The following SGCZ variants were observed in gnomAD, a reference collection of about 807,000 sequenced individuals.
The protein encoded by SGCZ is sarcoglycan zeta.
SGCZ carries 40 observed loss-of-function variants against 41.3 expected under a neutral mutation model. That is an observed-to-expected ratio of 0.97 (90% confidence interval 0.75 to 1.26). The LOEUF is 1.26. Among genes scored for constraint, SGCZ ranks in the 50% most tolerant of loss-of-function variants. The pLI is 0.00. For missense variants in SGCZ, 552 were observed against 369.8 expected (o/e 1.49, Z -4.04); for synonymous variants, 206 against 137.5 (o/e 1.50, Z -3.49).
intron 5 of SGCZ, among the ~76,000 whole-genome samples, chr8:14,153,020 G>A (rs573844475): frequency 3.3e-5 from 5 of 152,140 alleles, no homozygotes; most frequent in East Asian, 1.9e-4. Flanking sequence ...GGGGGTTAAC[G>A]TGAGGGTGGA....
chr8:14,295,462 A>G (rs1333117267), intron 3 of SGCZ, among the ~76,000 whole-genome samples: 1 of 152,218 alleles, frequency 6.6e-6, no homozygotes, highest in Non-Finnish European at 1.5e-5. Flanking sequence ...GAATCTGTCC[A>G]TAATCATTCC....
At chr8:15,101,719 C>A (rs1806621919) in intron 1 of SGCZ, among the ~76,000 whole-genome samples, 1 of 152,262 alleles carries the variant, frequency 6.6e-6, no homozygotes. Flanking sequence ...TACTTGAAGT[C>A]AGGCATTTGA....
chr8:15,208,784 T>C (rs1011909063), intron 1 of SGCZ, among the ~76,000 whole-genome samples: 4 of 149,772 alleles, frequency 2.7e-5, no homozygotes, highest in Non-Finnish European at 5.9e-5. Flanking sequence ...AACTGCAAGA[T>C]GCTAATAATC....
intron 1 of SGCZ, among the ~76,000 whole-genome samples, chr8:14,615,017 T>C (rs545135809): frequency 3.4e-4 from 51 of 152,188 alleles, no homozygotes; most frequent in African/African-American, 1.2e-3. Context: ...TGTGTGTATA[T>C]ATATATATGA....
At chr8:14,185,443 G>A (rs1358326515) in intron 4 of SGCZ, among the ~76,000 whole-genome samples, 2 of 151,784 alleles carry the variant, frequency 1.3e-5, no homozygotes, top group African/African-American at 2.4e-5. Context: ...AAAAAATCTG[G>A]CTTTCATTCT....
At chr8:14,767,708 GT>G (rs1800085447) in intron 1 of SGCZ, among the ~76,000 whole-genome samples, 9 of 152,162 alleles carry the variant, frequency 5.9e-5, no homozygotes, top group Non-Finnish European at 2.9e-5. Context: ...AGCAAAGACA[GT>G]GCCAACAGGT....
intron 2 of SGCZ, among the ~76,000 whole-genome samples, chr8:14,461,601 T>C (rs1281006305): frequency 1.3e-5 from 2 of 152,068 alleles, no homozygotes; most frequent in Non-Finnish European, 2.9e-5. Flanking sequence ...TTCAGTACCA[T>C]ATTTAAAGGC....
chr8:15,121,298 T>G (rs894318787), intron 1 of SGCZ, among the ~76,000 whole-genome samples: 1 of 152,332 alleles, frequency 6.6e-6, no homozygotes, highest in East Asian at 1.9e-4. Flanking sequence ...TCTTTCCAAT[T>G]TCTTCTAATA....
intron 1 of SGCZ, among the ~76,000 whole-genome samples, chr8:14,894,690 A>G (rs1805129818): frequency 6.6e-6 from 1 of 152,208 alleles, no homozygotes; most frequent in Admixed American, 6.5e-5. Context: ...ATATGGTCAA[A>G]TGAAATAAAA....
intron 2 of SGCZ, among the ~76,000 whole-genome samples, chr8:14,497,499 G>A (rs1457834238): frequency 6.6e-6 from 1 of 152,238 alleles, no homozygotes; most frequent in East Asian, 1.9e-4. Flanking sequence ...GGCCCAACAA[G>A]AAGGTGGCCC....
chr8:15,139,511 T>C (rs1183129726), intron 1 of SGCZ, among the ~76,000 whole-genome samples: 4 of 152,156 alleles, frequency 2.6e-5, no homozygotes, highest in Admixed American at 2.6e-4. Context: ...GAAATAAATA[T>C]TATTGTGTAT....
intron 1 of SGCZ, among the ~76,000 whole-genome samples, chr8:15,146,362 T>C (rs1032837838): frequency 6.6e-6 from 1 of 152,156 alleles, no homozygotes; most frequent in African/African-American, 2.4e-5. Flanking sequence ...AGGAAGCCAA[T>C]TTTTAAACAT....
intron 1 of SGCZ, among the ~76,000 whole-genome samples, chr8:14,679,498 CATAT>C (rs1340745390): frequency 5.2e-5 from 5 of 96,742 alleles, no homozygotes; most frequent in African/African-American, 1.5e-4. Flanking sequence ...AATATATATA[CATAT>C]ATATTATATA....
intron 2 of SGCZ, among the ~76,000 whole-genome samples, chr8:14,447,318 T>A (rs1199458910): frequency 2.0e-5 from 3 of 152,182 alleles, no homozygotes; most frequent in East Asian, 1.9e-4. Flanking sequence ...CATGTTTTTT[T>A]ATTTAATTAT....
intron 1 of SGCZ, among the ~76,000 whole-genome samples, chr8:14,759,325 A>T (rs766000342): frequency 7.0e-6 from 1 of 143,060 alleles, no homozygotes; most frequent in African/African-American, 2.6e-5. Context: ...CTGATTTTTT[A>T]AAAATAGTTT....
chr8:14,576,745 C>A lies in SGCZ; in HGVS notation c.40-21819G>T, dbSNP rs111862152. The stretch of plus-strand genomic sequence containing the variant: ...AATTTCCTTGGACAGCATTCAACAT[C>A]AGTGGAAGAAGCATTGTGTTGGAAA... On this transcript the variant is annotated intron_variant, in intron 1 of 7. Coordinates refer to ENST00000382080, the MANE Select transcript of SGCZ (RefSeq NM_139167.4). 2.4e-3 allele frequency among the ~76,000 whole-genome samples: 369 copies of A among 152,252 alleles called. 3 individuals carry two copies. Among genetic ancestry groups the A allele is most frequent in the African/African-American group, 8.5e-3 (352 of 41,556 alleles).
At chr8:15,209,779 A>AT (rs377245646) in intron 1 of SGCZ, among the ~76,000 whole-genome samples, 117,978 of 151,350 alleles carry the variant, frequency 0.78, 46,472 homozygotes, top group Non-Finnish European at 0.83. Context: ...AAATTAATTA[A>AT]TTAAAAAAAC....
At chr8:14,366,483 T>C (rs1208629086) in intron 2 of SGCZ, among the ~76,000 whole-genome samples, 1 of 152,098 alleles carries the variant, frequency 6.6e-6, no homozygotes, top group African/African-American at 2.4e-5. Context: ...TGGGTTACAA[T>C]TCAAGAAAAA....
At chr8:14,753,332 A>G (rs1489671458) in intron 1 of SGCZ, among the ~76,000 whole-genome samples, 1 of 152,212 alleles carries the variant, frequency 6.6e-6, no homozygotes, top group Non-Finnish European at 1.5e-5. Flanking sequence ...TATATGTTAA[A>G]TAACATATTT....
Sources: gnomAD v4.1 joint callset for allele counts (sites outside exome capture counted in the v4.1 genomes callset) on GRCh38, gnomAD v4.1.1 for gene constraint, MANE v1.5 for transcripts, NCBI Gene and HGNC (gene_info 2026-07-23, HGNC 2026-07-21) for gene names.